The following C13orf46 variants were observed in gnomAD, a reference collection of about 807,000 sequenced individuals.
C13orf46 encodes chromosome 13 open reading frame 46.
the C13orf46 span, among the ~76,000 whole-genome samples, chr13:113,948,009 A>G: frequency 6.6e-6 from 1 of 152,248 alleles, no homozygotes; most frequent in African/African-American, 2.4e-5. Context: ...CATCGGGGCC[A>G]TGGAGCGGGG....
At position 113,956,677 on chromosome 13, in the gene C13orf46, CG is replaced by C. The variant is rs1358692535; in HGVS notation, c.*95del. The C allele has an allele frequency of 1.3e-5, 2 of 152,362 alleles. No individual in the cohort carries two copies. Among genetic ancestry groups the C allele is most frequent in the African/African-American group, 4.8e-5 (2 of 41,432 alleles). 9.4% of individuals were successfully genotyped at this position (152,362 alleles called of 1,614,324 possible). A position where few individuals can be genotyped will look rare whatever the true frequency, so the allele number is the denominator to read the frequency against. On this transcript the variant is annotated 3_prime_UTR_variant, in exon 7 of 7. Coordinates refer to ENST00000636427, the MANE Select transcript of C13orf46 (RefSeq NM_001365455.2). ...GGCTCTTGGGCGGCAAGTAGGTGGC[CG>C]GATCGCCCTCCGTCCCGCCTCCTGT... is the stretch of plus-strand genomic sequence containing the variant.
In C13orf46 at chr13:113,955,266, AGAG is replaced by A. The variant is rs1254770338; in HGVS notation, c.*1504_*1506del. On this transcript the variant is annotated 3_prime_UTR_variant, in exon 7 of 7. Transcript: ENST00000636427. ...GGCGGAGACGAGGAGCATCTGGCGG[AGAG>A]GAGGAGTAGTATCTGGCGGAGAGGA... 1.3e-4 allele frequency: 25 copies of A among 189,720 alleles called. No individual in the cohort carries two copies. Among genetic ancestry groups the A allele is most frequent in the Non-Finnish European group, 2.0e-4 (19 of 94,526 alleles). The allele number at this position is 189,720 out of a possible 1,614,324, so 11.8% of individuals were successfully genotyped here. A position where few individuals can be genotyped will look rare whatever the true frequency, so the allele number is the denominator to read the frequency against.
chr13:113,933,540 C>A, the C13orf46 span, among the ~76,000 whole-genome samples: 2,031 of 152,286 alleles, frequency 0.013, 41 homozygotes, highest in African/African-American at 0.046. Flanking sequence ...CTACAAAAAT[C>A]CTGCTGGGAT....
intron 2 of C13orf46, among the ~76,000 whole-genome samples, chr13:113,968,965 T>C (rs1254916171): frequency 1.3e-5 from 2 of 152,224 alleles, no homozygotes; most frequent in East Asian, 1.9e-4. Context: ...TGCTGGCCCA[T>C]CTTGCCTGGA....
chr13:113,969,515 G>A (rs2052682115), intron 2 of C13orf46, among the ~76,000 whole-genome samples: 1 of 152,222 alleles, frequency 6.6e-6, no homozygotes, highest in Non-Finnish European at 1.5e-5. Context: ...TTCGGCGGCC[G>A]GACACCTTCC....
chr13:113,965,244 C>A (rs2052624386), intron 5 of C13orf46, among the ~76,000 whole-genome samples: 1 of 152,190 alleles, frequency 6.6e-6, no homozygotes, highest in African/African-American at 2.4e-5. Context: ...CTGACTGGCC[C>A]TCCTTGAGTC....
At chr13:113,967,184 C>T (rs2052658347) in intron 5 of C13orf46, among the ~76,000 whole-genome samples, 157 bp downstream of exon 5, 2 of 152,190 alleles carry the variant, frequency 1.3e-5, no homozygotes, top group South Asian at 4.1e-4. Flanking sequence ...AGGGAGCTCT[C>T]CTGGAGCTGC....
At chr13:113,930,822 G>C in the C13orf46 span, among the ~76,000 whole-genome samples, 1 of 152,216 alleles carries the variant, frequency 6.6e-6, no homozygotes, top group Non-Finnish European at 1.5e-5. Context: ...CGGTCCTCCA[G>C]GGGCCCTCCC....
At chr13:113,930,921 C>T in the C13orf46 span, among the ~76,000 whole-genome samples, 6 of 152,158 alleles carry the variant, frequency 3.9e-5, no homozygotes, top group Non-Finnish European at 7.4e-5. Context: ...AGGCAAGAGG[C>T]GGGGTGGGTC....
Position 113,954,607 on chromosome 13 carries a change from C to T in C13orf46, c.*2166G>A, listed in dbSNP as rs1461723979. On this transcript the variant is annotated 3_prime_UTR_variant, in exon 7 of 7. Transcript: ENST00000636427. Reference sequence around the variant, plus strand: ...GGACTTTGGTGACACAGCAGATGCTCCATCCCTGCCCTGCACCTCTCACTC... The same window carrying T: ...GGACTTTGGTGACACAGCAGATGCTTCATCCCTGCCCTGCACCTCTCACTC... 6.6e-6 allele frequency: 1 copy of T among 152,614 alleles called. No homozygotes were observed. The highest frequency in any genetic ancestry group is 1.9e-4 in the East Asian group (1 of 5,200). 9.5% of individuals were successfully genotyped at this position (152,614 alleles called of 1,614,324 possible). A position where few individuals can be genotyped will look rare whatever the true frequency, so the allele number is the denominator to read the frequency against.
At chr13:113,926,784 G>A in the C13orf46 span, 21 of 151,660 alleles carry the variant, frequency 1.4e-4, no homozygotes, top group African/African-American at 4.9e-4. Flanking sequence ...GTTTTAGAGG[G>A]TTATGCCCAT....
Position 113,974,058 on chromosome 13 carries a change from G to C in C13orf46, c.-61C>G, listed in dbSNP as rs1166965102. The C allele has an allele frequency of 6.5e-6, 1 of 152,736 alleles. No homozygotes were observed. The highest frequency in any genetic ancestry group is 2.0e-4 in the South Asian group (1 of 4,882). The allele number at this position is 152,736 out of a possible 1,614,324, so 9.5% of individuals were successfully genotyped here. A position where few individuals can be genotyped will look rare whatever the true frequency, so the allele number is the denominator to read the frequency against. ...CACCCTCACACCCAGCCGTCCCGCA[G>C]GGAGTAGTCAGGAGGTGCTGGGAGT... On this transcript the variant is annotated 5_prime_UTR_variant, in exon 1 of 7. Coordinates refer to ENST00000636427, the MANE Select transcript of C13orf46 (RefSeq NM_001365455.2).
rs2052736317 is a variant in C13orf46, at chr13:113,973,905, G to A, written c.93C>T (p.Ala31=). 6.6e-6 allele frequency: 1 copy of A among 152,314 alleles called. No homozygotes were observed. Among genetic ancestry groups the A allele is most frequent in the Non-Finnish European group, 1.5e-5 (1 of 68,088 alleles). 9.4% of individuals were successfully genotyped at this position (152,314 alleles called of 1,614,324 possible). ...SGVALGHLKA[A]SEASELQRSR... ...TTCGCTGAAGTTCAGAGGCCTCACT[G>A]GCCGCCTTGAGGTGCCCAAGGGCCA... Residue 31 remains alanine, a synonymous_variant, in exon 1 of 7, where the codon GCC becomes GCT. Transcript: ENST00000636427.
chr13:113,972,229 G>A (rs780740317), intron 1 of C13orf46, among the ~76,000 whole-genome samples: 4 of 152,204 alleles, frequency 2.6e-5, no homozygotes, highest in Non-Finnish European at 5.9e-5. Context: ...AAGCAGCCTT[G>A]GCGTAACTTA....
chr13:113,957,600 C>T (rs2052549179), intron 6 of C13orf46, among the ~76,000 whole-genome samples: 2 of 130,422 alleles, frequency 1.5e-5, no homozygotes, highest in African/African-American at 5.9e-5. Context: ...ACTCTGCCTG[C>T]ACCCCCTTTC....
intron 5 of C13orf46, among the ~76,000 whole-genome samples, chr13:113,965,910 G>C (rs1178555638): frequency 7.5e-6 from 1 of 133,980 alleles, no homozygotes; most frequent in African/African-American, 3.2e-5. Flanking sequence ...TGATGGCGAT[G>C]GTGATGGTGA....
chr13:113,927,268 G>T, the C13orf46 span: 6 of 336,538 alleles, frequency 1.8e-5, no homozygotes, highest in Non-Finnish European at 3.2e-5. Flanking sequence ...TCAGCTAGGG[G>T]CTAAGGGTAT....
At chr13:113,927,548 C>G in the C13orf46 span, 2 of 398,670 alleles carry the variant, frequency 5.0e-6, no homozygotes, top group Non-Finnish European at 8.8e-6. Context: ...GTCCCTTGCT[C>G]CACACACCCA....
chr13:113,927,987 C>T, the C13orf46 span: 1 of 211,930 alleles, frequency 4.7e-6, no homozygotes, highest in Non-Finnish European at 9.3e-6. Context: ...TGCTGCCGAT[C>T]CTCTGCGGTA....
Sources: gnomAD v4.1 joint callset for allele counts (sites outside exome capture counted in the v4.1 genomes callset) on GRCh38, gnomAD v4.1.1 for gene constraint, MANE v1.5 for transcripts, NCBI Gene and HGNC (gene_info 2026-07-23, HGNC 2026-07-21) for gene names.